TMEM117: variants seen among roughly 807,000 people sequenced by gnomAD.
TMEM117 encodes the protein transmembrane protein 117.
A neutral mutation model predicts 52.4 loss-of-function variants in TMEM117; 27 were observed. That is an observed-to-expected ratio of 0.51 (90% CI 0.38 to 0.71). The LOEUF (loss-of-function observed/expected upper bound fraction) is 0.71. Among genes scored for constraint, TMEM117 ranks in the 30% least tolerant of loss-of-function variants. The pLI is 0.00. For synonymous variants in TMEM117, 215 were observed against 206.3 expected, an observed-to-expected ratio of 1.04 and a Z score of -0.36; for missense variants, 556 against 630.5, an observed-to-expected ratio of 0.88 and a Z score of 1.26.
In TMEM117 at chr12:43,980,540, T is replaced by C. The variant is rs529025328; in HGVS notation, c.410+36198T>C. Among the ~76,000 whole-genome samples, 7 of 152,338 alleles carry C rather than the reference T, an allele frequency of 4.6e-5. No individual in the cohort carries two copies. The South Asian group carries it at 1.2e-3, about 27-fold the overall frequency. On this transcript the variant is annotated intron_variant, in intron 3 of 7. Coordinates refer to ENST00000266534, the MANE Select transcript of TMEM117 (RefSeq NM_032256.3). ...GTTGCTCTTGAGCTGATAACTGTTGTCCCATGATGAAACCCTAGCCTGAAT... is the reference window on the plus strand; with the variant it reads ...GTTGCTCTTGAGCTGATAACTGTTGCCCCATGATGAAACCCTAGCCTGAAT...
chr12:44,041,812 A>C (rs1209544242), intron 3 of TMEM117, among the ~76,000 whole-genome samples: 1 of 152,212 alleles, frequency 6.6e-6, no homozygotes, highest in African/African-American at 2.4e-5. Context: ...AAGGTTGGTT[A>C]ATACAAATCA....
At chr12:43,806,409 C>T in the TMEM117 span, 20 of 1,155,500 alleles carry the variant, frequency 1.7e-5, no homozygotes, top group East Asian at 8.5e-5. Flanking sequence ...GCGTCCCCGC[C>T]GCCCCGCCGC....
intron 3 of TMEM117, among the ~76,000 whole-genome samples, chr12:43,951,694 G>A (rs1022813866): frequency 7.9e-5 from 12 of 152,140 alleles, no homozygotes; most frequent in African/African-American, 2.9e-4. Context: ...CAGGTTCAGC[G>A]GGCTTAATCT....
At position 43,844,920 on chromosome 12, in the gene TMEM117, G is replaced by A. The variant is rs1948516; in HGVS notation, c.269G>A (p.Arg90His). 12,135 of 1,612,704 alleles carry A rather than the reference G, an allele frequency of 7.5e-3. 328 individuals are homozygous for A. Among genetic ancestry groups the A allele is most frequent in the East Asian group, 0.067 (3,002 of 44,878 alleles). ...LIAGKFLFHQ[R>H]LFGQLLRLKM... Reference sequence around the variant, plus strand: ...GCTGGCAAATTTCTGTTCCATCAGCGTTTGTTTGGTAAGTACCATGACCCA... The same window carrying A: ...GCTGGCAAATTTCTGTTCCATCAGCATTTGTTTGGTAAGTACCATGACCCA... The change falls in exon 2 of 8, where the codon CGT (arginine) becomes CAT (histidine). Residue 90 changes from arginine to histidine, a missense_variant. Around this residue, in one of 3 missense-constraint regions of TMEM117, gnomAD observed 328 missense variants for 371.4 expected, o/e 0.88. Transcript: ENST00000266534.
intron 5 of TMEM117, among the ~76,000 whole-genome samples, chr12:44,279,796 G>T (rs775190053): frequency 1.3e-5 from 2 of 152,152 alleles, no homozygotes; most frequent in Non-Finnish European, 2.9e-5. Flanking sequence ...TTACAGGCGT[G>T]AGCCAGCGCA....
chr12:43,994,474 A>C (rs1237521564), intron 3 of TMEM117, among the ~76,000 whole-genome samples: 1 of 152,204 alleles, frequency 6.6e-6, no homozygotes, highest in Non-Finnish European at 1.5e-5. Context: ...CCCATGGAAT[A>C]ACTTTTGTGC....
At position 44,021,491 on chromosome 12, in the gene TMEM117, G is replaced by A. The variant is rs576820977; in HGVS notation, c.410+77149G>A. Among the ~76,000 whole-genome samples, 42 of 152,256 alleles carry A rather than the reference G, an allele frequency of 2.8e-4. 2 individuals carry two copies. The highest frequency in any genetic ancestry group is 9.1e-4 in the African/African-American group (38 of 41,540). On this transcript the variant is annotated intron_variant, in intron 3 of 7. Coordinates refer to ENST00000266534, the MANE Select transcript of TMEM117 (RefSeq NM_032256.3). Reference sequence around the variant, plus strand: ...TGTATTAGCTTGATTTGGCCTCTGCGTTGTTTACTTCTTCATAGCAGGCTA... The same window carrying A: ...TGTATTAGCTTGATTTGGCCTCTGCATTGTTTACTTCTTCATAGCAGGCTA...
At chr12:44,200,322 T>C (rs979357442) in intron 4 of TMEM117, among the ~76,000 whole-genome samples, 2 of 152,038 alleles carry the variant, frequency 1.3e-5, no homozygotes, top group African/African-American at 4.8e-5. Flanking sequence ...GCTGAAACGG[T>C]TTTATGTTCA....
At chr12:43,924,384 A>G (rs1482280639) in intron 2 of TMEM117, among the ~76,000 whole-genome samples, 2 of 152,212 alleles carry the variant, frequency 1.3e-5, no homozygotes, top group African/African-American at 2.4e-5. Flanking sequence ...ATAGACATCA[A>G]CATTCTGACT....
chr12:44,140,003 C>T (rs1592551612), intron 3 of TMEM117, among the ~76,000 whole-genome samples: 1 of 151,992 alleles, frequency 6.6e-6, no homozygotes, highest in Non-Finnish European at 1.5e-5. Context: ...CATATTTATC[C>T]AAAGCAGCAA....
chr12:44,085,412 G>C (rs535350431), intron 3 of TMEM117, among the ~76,000 whole-genome samples: 2 of 152,256 alleles, frequency 1.3e-5, no homozygotes, highest in South Asian at 4.2e-4. Context: ...TTCAAAGTAC[G>C]AATCCAAATA....
the TMEM117 span, chr12:43,797,618 TA>T: frequency 3.4e-6 from 5 of 1,483,998 alleles, no homozygotes; most frequent in Admixed American, 1.1e-4. Context: ...GAAAGCTATT[TA>T]AAATGTAAAA....
intron 3 of TMEM117, among the ~76,000 whole-genome samples, chr12:44,050,184 T>G (rs910470778): frequency 9.2e-5 from 14 of 152,174 alleles, no homozygotes; most frequent in South Asian, 4.1e-4. Flanking sequence ...TAGCAGAGCT[T>G]CTTTGTTTTT....
At chr12:43,941,877 A>C (rs1022460120) in intron 2 of TMEM117, among the ~76,000 whole-genome samples, 25 of 152,206 alleles carry the variant, frequency 1.6e-4, no homozygotes, top group Admixed American at 6.5e-5. Context: ...TATTATTTCC[A>C]CCTGTGTACA....
intron 3 of TMEM117, among the ~76,000 whole-genome samples, chr12:44,111,694 G>A (rs1420005846): frequency 2.8e-5 from 4 of 140,544 alleles, no homozygotes; most frequent in East Asian, 4.2e-4. Flanking sequence ...TTGATTTGGG[G>A]TGGAGAGTTC....
At chr12:43,797,263 A>T in the TMEM117 span, 1 of 1,543,000 alleles carries the variant, frequency 6.5e-7, no homozygotes, top group Admixed American at 2.0e-5. Context: ...ACCAATAAAC[A>T]AACTGAAAGT....
intron 4 of TMEM117, among the ~76,000 whole-genome samples, chr12:44,210,032 A>G (rs1398714685): frequency 1.3e-5 from 2 of 152,174 alleles, no homozygotes; most frequent in Non-Finnish European, 2.9e-5. Flanking sequence ...GTTCAAAGCT[A>G]TACTCAAATG....
At chr12:44,143,855 C>T (rs1366703394) in intron 4 of TMEM117, among the ~76,000 whole-genome samples, 8 of 152,112 alleles carry the variant, frequency 5.3e-5, no homozygotes, top group East Asian at 1.9e-4. Flanking sequence ...ATCTGTCGAT[C>T]GATCTATCTA....
At chr12:44,147,965 A>G (rs1948669305) in intron 4 of TMEM117, among the ~76,000 whole-genome samples, 2 of 151,964 alleles carry the variant, frequency 1.3e-5, no homozygotes, top group South Asian at 2.1e-4. Context: ...GAAAAAGACA[A>G]TTCTGTTAGC....
Sources: allele counts gnomAD v4.1 joint callset (sites outside exome capture counted in the v4.1 genomes callset), GRCh38; gene constraint gnomAD v4.1.1; regional missense constraint gnomAD v4.1.1; transcripts MANE v1.5; gene names NCBI Gene and HGNC (gene_info 2026-07-23, HGNC 2026-07-21).